Variants in COL14A1 observed in about 807,000 individuals in gnomAD.
The protein encoded by COL14A1 is collagen alpha-1(XIV) chain.
Under a neutral mutation model 230.3 loss-of-function variants are expected in COL14A1, and 136 were observed. The ratio of observed to expected loss-of-function variants is 0.59; its 90% CI spans 0.51 to 0.68. The LOEUF is 0.68. COL14A1 is among the 30% of genes least tolerant of loss of function. The pLI is 0.00. For synonymous variants in COL14A1, 792 were observed against 784.1 expected (o/e 1.01, Z -0.17); for missense variants, 1,976 against 2,215.8 (o/e 0.89, Z 2.17).
intron 40 of COL14A1, among the ~76,000 whole-genome samples, chr8:120,320,672 T>C (rs1586860816): frequency 6.6e-6 from 1 of 152,344 alleles, no homozygotes; most frequent in East Asian, 1.9e-4. Context: ...GAAGAGGATG[T>C]GTAAATACCA....
At chr8:120,231,315 G>T in intron 18 of COL14A1, 152 bp from the exon 19 acceptor site, 3 of 732,356 alleles carry the variant, frequency 4.1e-6, no homozygotes, top group Non-Finnish European at 6.6e-6. Context: ...TCCCCATTAA[G>T]CACCATAGCT....
intron 34 of COL14A1, among the ~76,000 whole-genome samples, chr8:120,295,308 C>T (rs1393742965): frequency 1.3e-5 from 2 of 151,854 alleles, no homozygotes; most frequent in Non-Finnish European, 2.9e-5. Context: ...AAATAAACCA[C>T]AAGAAAATGG....
chr8:120,317,875 C>G (rs1821288197), intron 40 of COL14A1, among the ~76,000 whole-genome samples: 1 of 152,126 alleles, frequency 6.6e-6, no homozygotes, highest in Non-Finnish European at 1.5e-5. Context: ...CCTTTCTCTT[C>G]CAATCTGGAA....
intron 4 of COL14A1, among the ~76,000 whole-genome samples, chr8:120,162,876 C>T (rs574967586): frequency 6.6e-6 from 1 of 152,256 alleles, no homozygotes; most frequent in African/African-American, 2.4e-5. Context: ...CTAGAGCTTC[C>T]CTTCTGGTAC....
intron 5 of COL14A1, among the ~76,000 whole-genome samples, chr8:120,184,893 C>A (rs1816598387): frequency 6.6e-6 from 1 of 152,186 alleles, no homozygotes; most frequent in Non-Finnish European, 1.5e-5. Flanking sequence ...CTGCTTTATT[C>A]AGTCTACCAA....
At chr8:120,264,082 C>T (rs1434484086) in intron 24 of COL14A1, among the ~76,000 whole-genome samples, 1 of 152,110 alleles carries the variant, frequency 6.6e-6, no homozygotes, top group Non-Finnish European at 1.5e-5. Flanking sequence ...CAGGACGTTT[C>T]CATCAACCCA....
intron 34 of COL14A1, 128 bp downstream of exon 34, chr8:120,289,894 G>A: frequency 1.3e-6 from 1 of 789,526 alleles, no homozygotes; most frequent in Non-Finnish European, 2.0e-6. Flanking sequence ...ATGAATGAAT[G>A]GATGGATGGA....
intron 19 of COL14A1, among the ~76,000 whole-genome samples, chr8:120,233,637 G>T (rs1433488144): frequency 2.0e-5 from 3 of 152,006 alleles, no homozygotes; most frequent in African/African-American, 4.8e-5. Context: ...CAGATGTGTG[G>T]TGTCATTTCT....
intron 47 of COL14A1, chr8:120,370,695 G>T (rs1207776485): frequency 7.0e-7 from 1 of 1,423,860 alleles, no homozygotes; most frequent in African/African-American, 1.4e-5. Context: ...TCATAATAAA[G>T]TTACTTAACT....
chr8:120,181,422 TC>T (rs1288398064), intron 5 of COL14A1, among the ~76,000 whole-genome samples: 1 of 152,202 alleles, frequency 6.6e-6, no homozygotes, highest in Non-Finnish European at 1.5e-5. Context: ...GAAACAATTT[TC>T]TTTTACAAAC....
intron 40 of COL14A1, among the ~76,000 whole-genome samples, chr8:120,329,500 G>A (rs932065540): frequency 3.9e-5 from 6 of 152,156 alleles, no homozygotes; most frequent in African/African-American, 1.4e-4. Context: ...CCAGCCATGT[G>A]GGAGGCTGAG....
chr8:120,211,855 A>T (rs1385114237), intron 12 of COL14A1, among the ~76,000 whole-genome samples: 1 of 151,452 alleles, frequency 6.6e-6, no homozygotes, highest in Non-Finnish European at 1.5e-5. Context: ...CAAGGGTCAG[A>T]AAAGGTGTTC....
At chr8:120,274,563 TA>T (rs1819780245) in intron 26 of COL14A1, among the ~76,000 whole-genome samples, 43 of 151,860 alleles carry the variant, frequency 2.8e-4, no homozygotes, top group Admixed American at 2.8e-3. Context: ...GATATGATCA[TA>T]TACCTAGAGA....
chr8:120,252,479 C>T (rs1292624201), intron 22 of COL14A1, among the ~76,000 whole-genome samples: 2 of 152,172 alleles, frequency 1.3e-5, no homozygotes, highest in Admixed American at 1.3e-4. Flanking sequence ...CTAGATAGTC[C>T]TGAGTGCAAT....
At chr8:120,281,890 G>T (rs1044709066) in intron 31 of COL14A1, among the ~76,000 whole-genome samples, 9 of 152,188 alleles carry the variant, frequency 5.9e-5, no homozygotes, top group African/African-American at 2.2e-4. Flanking sequence ...GAAAGTTGAA[G>T]AGTAGTAATC....
chr8:120,129,639 A>C (rs2130373220), intron 1 of COL14A1, among the ~76,000 whole-genome samples: 1 of 152,336 alleles, frequency 6.6e-6, no homozygotes, highest in South Asian at 2.1e-4. Flanking sequence ...AAATTAGAAA[A>C]AGGAAGCCTC....
In COL14A1 at chr8:120,281,063, T is replaced by C; in HGVS notation, c.3824+4T>C. 6.3e-7 allele frequency: 1 copy of C among 1,597,718 alleles called. No individual in the cohort carries two copies. Reference sequence around the variant, plus strand: ...CCCTGGTTTCCCAGCCAACCAGGTATGTTTCTGTTGAAAGATTTTAAAGTC... The same window carrying C: ...CCCTGGTTTCCCAGCCAACCAGGTACGTTTCTGTTGAAAGATTTTAAAGTC... On this transcript the variant is annotated splice_donor_region_variant and intron_variant, in intron 31 of 47. Transcript: ENST00000297848.
At chr8:120,362,402 A>G (rs1177450468) in intron 45 of COL14A1, among the ~76,000 whole-genome samples, 1 of 152,190 alleles carries the variant, frequency 6.6e-6, no homozygotes, top group African/African-American at 2.4e-5. Flanking sequence ...TTGGTTTGTC[A>G]AAGTCTGCAA....
At chr8:120,139,996 C>G (rs1814846327) in intron 1 of COL14A1, among the ~76,000 whole-genome samples, 1 of 152,132 alleles carries the variant, frequency 6.6e-6, no homozygotes, top group African/African-American at 2.4e-5. Flanking sequence ...CCACTGCACT[C>G]CAGCCTGGGT....
Sources: allele counts gnomAD v4.1 joint callset (sites outside exome capture counted in the v4.1 genomes callset), GRCh38; gene constraint gnomAD v4.1.1; transcripts MANE v1.5; gene names NCBI Gene and HGNC (gene_info 2026-07-23, HGNC 2026-07-21).